DOCK1: variants seen among roughly 807,000 people sequenced by gnomAD.
DOCK1 encodes the protein dedicator of cytokinesis 1.
In DOCK1, 138 loss-of-function variants were observed where a neutral mutation model predicts 262.7. The observed-to-expected ratio is 0.53, with a 90% CI of 0.46 to 0.61. DOCK1 has a LOEUF of 0.61. DOCK1 is among the 20% of genes least tolerant of loss of function. DOCK1 has a pLI of 0.00. For missense variants in DOCK1, 1,908 were observed against 2,370.7 expected (o/e 0.80, Z 4.05); for synonymous variants, 866 against 867.4 (o/e 1.00, Z 0.03).
Position 127,031,739 on chromosome 10 carries a change from C to G in DOCK1, c.1714C>G (p.Leu572Val). The G allele has an allele frequency of 1.2e-6, 2 of 1,612,952 alleles. No homozygotes were observed. The highest frequency in any genetic ancestry group is 2.2e-5 in the East Asian group (1 of 44,858). Residue 572 changes from leucine (L) to valine (V), a missense_variant, in exon 17 of 52, where the codon CTT (leucine) becomes GTT (valine). This residue lies in a region of DOCK1 where 294 missense variants were observed against 439.9 expected (regional missense o/e 0.67). Coordinates refer to ENST00000623213, the MANE Select transcript of DOCK1 (RefSeq NM_001290223.2). ...GTTLRDGEHD[L>V]IVYKAEAKKL... ...CACCCTGCGAGACGGAGAGCACGATCTTATCGTCTATAAGGTATCTGGTTG... is the reference window on the plus strand; with the variant it reads ...CACCCTGCGAGACGGAGAGCACGATGTTATCGTCTATAAGGTATCTGGTTG...
intron 29 of DOCK1, among the ~76,000 whole-genome samples, chr10:127,292,945 T>A (rs2061394894): frequency 1.3e-5 from 2 of 151,910 alleles, no homozygotes; most frequent in Non-Finnish European, 2.9e-5. Context: ...GGGTGGGAAG[T>A]CCCCACTTGA....
intron 32 of DOCK1, among the ~76,000 whole-genome samples, chr10:127,357,971 G>A (rs988314439): frequency 6.6e-6 from 1 of 151,614 alleles, no homozygotes; most frequent in African/African-American, 2.4e-5. Context: ...TTCCCAGGAT[G>A]TATACAACCT....
chr10:127,385,005 C>A lies in DOCK1; in HGVS notation c.3927+96C>A, dbSNP rs1168789986. The A allele has an allele frequency of 3.7e-6, 5 of 1,355,852 alleles. No individual in the cohort carries two copies. In the African/African-American group the frequency reaches 7.4e-5, roughly 20 times the overall value. 84.0% of individuals were successfully genotyped at this position (1,355,852 alleles called of 1,614,324 possible). On this transcript the variant is annotated intron_variant, in intron 38 of 51. Coordinates refer to ENST00000623213, the MANE Select transcript of DOCK1 (RefSeq NM_001290223.2). ...TTTTTAGCGTGTGATTTTTGCAGAA[C>A]CAGAAATTTGTTACAAGTTGTATAT...
intron 32 of DOCK1, among the ~76,000 whole-genome samples, chr10:127,358,854 G>A (rs2064271673): frequency 6.6e-6 from 1 of 152,170 alleles, no homozygotes; most frequent in Non-Finnish European, 1.5e-5. Context: ...AACACCCACA[G>A]GGAGGCTTCT....
At chr10:127,367,238 A>G (rs1041633027) in intron 33 of DOCK1, among the ~76,000 whole-genome samples, 2 of 152,168 alleles carry the variant, frequency 1.3e-5, no homozygotes, top group Non-Finnish European at 2.9e-5. Context: ...CGGGCATTTC[A>G]TTAGAACGTT....
intron 49 of DOCK1, among the ~76,000 whole-genome samples, chr10:127,441,980 T>G (rs1366528552): frequency 6.6e-6 from 1 of 151,890 alleles, no homozygotes; most frequent in Non-Finnish European, 1.5e-5. Context: ...AGACCCCAAA[T>G]CTCTCTTGCC....
At chr10:127,042,528 G>A in intron 19 of DOCK1, 97 bp from the exon 20 acceptor site, 2 of 1,096,874 alleles carry the variant, frequency 1.8e-6, no homozygotes, top group Non-Finnish European at 2.8e-6. Context: ...TGGGGGCAAA[G>A]TGGGTATTTG....
At chr10:126,946,127 A>T (rs1258110637) in intron 1 of DOCK1, among the ~76,000 whole-genome samples, 2 of 152,164 alleles carry the variant, frequency 1.3e-5, no homozygotes, top group East Asian at 1.9e-4. Context: ...TATAACATAG[A>T]ATTTTCCCCT....
intron 12 of DOCK1, among the ~76,000 whole-genome samples, chr10:127,018,178 C>G (rs2042155541): frequency 1.3e-5 from 2 of 152,216 alleles, no homozygotes; most frequent in African/African-American, 4.8e-5. Context: ...CCTGTCCTGG[C>G]TGCGGAGGGC....
chr10:127,042,872 C>CTT, intron 20 of DOCK1, among the ~76,000 whole-genome samples, 158 bp downstream of exon 20: 1 of 151,888 alleles, frequency 6.6e-6, no homozygotes, highest in Admixed American at 6.6e-5. Context: ...TTTTTTTTCT[C>CTT]TTTTTTTTAA....
At chr10:126,925,813 A>G (rs2033670875) in intron 1 of DOCK1, among the ~76,000 whole-genome samples, 1 of 151,250 alleles carries the variant, frequency 6.6e-6, no homozygotes, top group African/African-American at 2.4e-5. Context: ...ACTCCAGGCT[A>G]TAGCTGGAGA....
At chr10:126,957,190 C>T (rs1817803832) in intron 1 of DOCK1, among the ~76,000 whole-genome samples, 4 of 152,148 alleles carry the variant, frequency 2.6e-5, no homozygotes, top group Non-Finnish European at 4.4e-5. Context: ...AATGTAACAA[C>T]GACAGAGGAG....
At chr10:127,163,344 A>T (rs1284148939) in intron 27 of DOCK1, among the ~76,000 whole-genome samples, 1 of 151,878 alleles carries the variant, frequency 6.6e-6, no homozygotes, top group East Asian at 1.9e-4. Context: ...CGCCACATTT[A>T]TCGCCATGGA....
At chr10:127,132,040 C>A (rs917705339) in intron 27 of DOCK1, among the ~76,000 whole-genome samples, 1 of 152,182 alleles carries the variant, frequency 6.6e-6, no homozygotes, top group Non-Finnish European at 1.5e-5. Context: ...TGGCCTCTTT[C>A]CATCGGAATA....
At position 127,175,856 on chromosome 10, in the gene DOCK1, GTGTTGGT is replaced by G; in HGVS notation, c.2847+48095_2847+48101del. 1 of 1,614,168 alleles carries G rather than the reference GTGTTGGT, an allele frequency of 6.2e-7. No homozygotes were observed. The highest frequency in any genetic ancestry group is 8.5e-7 in the Non-Finnish European group (1 of 1,180,038). On this transcript the variant is annotated intron_variant, in intron 27 of 51. Transcript: ENST00000623213. The surrounding 1 kb of genome is among the most constrained non-coding windows in gnomAD (Gnocchi z 6.3). ...CCAAAGGCTGGTCCACTGTGTTCAT[GTGTTGGT>G]TGGAATGGAAAACCAAGGCTGTGGT...
At chr10:127,172,621 C>G (rs1217603247) in intron 27 of DOCK1, among the ~76,000 whole-genome samples, 1 of 152,154 alleles carries the variant, frequency 6.6e-6, no homozygotes, top group Non-Finnish European at 1.5e-5. Context: ...TAAGGTGGCA[C>G]TTGATTCTTT....
At chr10:127,138,044 C>T (rs1254198646) in intron 27 of DOCK1, 1 of 1,576,080 alleles carries the variant, frequency 6.3e-7, no homozygotes, top group Non-Finnish European at 8.6e-7. Flanking sequence ...AGAGTGAAGA[C>T]TTTAGCATTT....
rs184210758 is a variant in DOCK1 at position 127,408,696 on chromosome 10, C to G, written c.4123-341C>G. Among the ~76,000 whole-genome samples the G allele has an allele frequency of 2.1e-3, 319 of 152,336 alleles. 1 individual carries two copies. Among genetic ancestry groups the G allele is most frequent in the Middle Eastern group, 0.014 (4 of 294 alleles). ...TCCTGGCTGCCTTGCCCCCTTCTAACCATTTCATGCCCATTCTAGTGTGGG... is the reference window on the plus strand; with the variant it reads ...TCCTGGCTGCCTTGCCCCCTTCTAAGCATTTCATGCCCATTCTAGTGTGGG... On this transcript the variant is annotated intron_variant, in intron 40 of 51. Transcript: ENST00000623213.
At chr10:126,932,543 C>G (rs2034260812) in intron 1 of DOCK1, among the ~76,000 whole-genome samples, 1 of 152,106 alleles carries the variant, frequency 6.6e-6, no homozygotes, top group Admixed American at 6.5e-5. Flanking sequence ...GCGGAGACAC[C>G]AGGATATGTG....
Sources: gnomAD v4.1 joint callset for allele counts (sites outside exome capture counted in the v4.1 genomes callset) on GRCh38, gnomAD v4.1.1 for gene constraint, gnomAD v4.1.1 regional missense constraint, Gnocchi (gnomAD v3.1) non-coding constraint, MANE v1.5 for transcripts, NCBI Gene and HGNC (gene_info 2026-07-23, HGNC 2026-07-21) for gene names.